The following OTOF variants were observed in gnomAD, a reference collection of about 807,000 sequenced individuals.
OTOF encodes fer-1-like family member 2.
A neutral mutation model predicts 236.8 loss-of-function variants in OTOF; 218 were observed. That is an observed-to-expected ratio of 0.92 (90% CI 0.82 to 1.03). The LOEUF (loss-of-function observed/expected upper bound fraction) is 1.03, where lower values mean the gene tolerates loss of function less well. OTOF is among the 50% of genes least tolerant of loss of function. OTOF has a pLI of 0.00. For missense variants in OTOF, 2,590 were observed against 2,694.4 expected (o/e 0.96, Z 0.86); for synonymous variants, 1,041 against 1,072.5 (o/e 0.97, Z 0.57).
chr2:26,481,815 G>A (rs988549018), intron 14 of OTOF, among the ~76,000 whole-genome samples: 3 of 152,030 alleles, frequency 2.0e-5, no homozygotes, highest in African/African-American at 7.2e-5. Context: ...TGGATTTGCC[G>A]GATGTTTCAC....
Position 26,489,699 on chromosome 2 carries a change from A to G in OTOF, c.939T>C (p.Phe313=). The G allele has an allele frequency of 1.9e-6, 3 of 1,613,030 alleles. No individual in the cohort carries two copies. Among genetic ancestry groups the G allele is most frequent in the Non-Finnish European group, 2.5e-6 (3 of 1,179,902 alleles). The stretch of plus-strand genomic sequence containing the variant: ...TCACCGAAATCTTGATGATCTTGTC[A>G]AACATGACATCCGGAGAGACATGGA... ...FDFHVSPDVM[F]DKIIKISVIH... is the part of the protein sequence containing the mutation. Residue 313 remains phenylalanine (F), a synonymous_variant, in exon 10 of 47, where the codon TTT becomes TTC. Coordinates refer to ENST00000272371, the MANE Select transcript of OTOF (RefSeq NM_194248.3).
At chr2:26,535,589 C>T (rs1667050093) in intron 2 of OTOF, among the ~76,000 whole-genome samples, 1 of 152,196 alleles carries the variant, frequency 6.6e-6, no homozygotes, top group African/African-American at 2.4e-5. Flanking sequence ...TTCTCCCCAT[C>T]GCGTGCCCTG....
rs1475493907 is a variant in OTOF, at chr2:26,477,295, A to T, written c.2407-7T>A. 4 of 1,608,656 alleles carry T rather than the reference A, an allele frequency of 2.5e-6. No individual in the cohort carries two copies. The highest frequency in any genetic ancestry group is 1.3e-5 in the African/African-American group (1 of 74,856). The stretch of plus-strand genomic sequence containing the variant: ...CCTGCTGCCCCATGTTTTCCTGCGA[A>T]GGAGGGGGTGTCAGTGAACCCAGCA... On this transcript the variant is annotated splice_polypyrimidine_tract_variant and splice_region_variant and intron_variant, in intron 20 of 46. Coordinates refer to ENST00000272371, the MANE Select transcript of OTOF (RefSeq NM_194248.3). This position sits in a 1 kb window ranked among gnomAD's most constrained non-coding sequence, Gnocchi z 4.7.
chr2:26,530,711 C>G (rs549492286), intron 2 of OTOF, among the ~76,000 whole-genome samples: 22 of 152,298 alleles, frequency 1.4e-4, no homozygotes, highest in Admixed American at 5.2e-4. Flanking sequence ...ATCAGTTTCT[C>G]TCTCTGTCTC....
Position 26,479,519 on chromosome 2 carries a change from C to G in OTOF, c.2047G>C (p.Ala683Pro). The change falls in exon 17 of 47, where the codon GCC becomes CCC. Residue 683 changes from alanine to proline, a missense_variant. Transcript: ENST00000272371. Reference protein sequence around the residue: ...DDEAGDAGDLASVSSTPPMRP... With the variant: ...DDEAGDAGDLPSVSSTPPMRP... ...ATTGGTGGAGTGGAGGAGACTGAGG[C>G]CAGGTCCCCGGCATCACCGGCCTCG... 1 of 1,605,140 alleles carries G rather than the reference C, an allele frequency of 6.2e-7. No homozygotes were observed. Among genetic ancestry groups the G allele is most frequent in the Non-Finnish European group, 8.5e-7 (1 of 1,176,712 alleles).
chr2:26,518,300 G>C (rs1316066169), intron 4 of OTOF, among the ~76,000 whole-genome samples: 1 of 152,240 alleles, frequency 6.6e-6, no homozygotes, highest in Non-Finnish European at 1.5e-5. Context: ...CCTCAGAATA[G>C]TCCTGGGAGG....
At chr2:26,513,017 G>A (rs1249787348) in intron 5 of OTOF, among the ~76,000 whole-genome samples, 3 of 152,178 alleles carry the variant, frequency 2.0e-5, no homozygotes, top group African/African-American at 2.4e-5. Flanking sequence ...GCAAAAAGCC[G>A]GCAGAAATCA....
chr2:26,476,514 C>T (rs1665282625), intron 22 of OTOF, among the ~76,000 whole-genome samples, 197 bp from the exon 23 acceptor site: 1 of 128,372 alleles, frequency 7.8e-6, no homozygotes, highest in South Asian at 2.4e-4. Context: ...TCCCCCACCT[C>T]CTTCCCCACC....
intron 4 of OTOF, among the ~76,000 whole-genome samples, chr2:26,517,172 C>CTTTT (rs1666553670): frequency 6.6e-6 from 1 of 152,196 alleles, no homozygotes; most frequent in Non-Finnish European, 1.5e-5. Context: ...AAGTAGAGCA[C>CTTTT]TCAACCGGGC....
chr2:26,528,028 C>G (rs1666852942), intron 2 of OTOF, 108 bp from the exon 3 acceptor site: 1 of 793,178 alleles, frequency 1.3e-6, no homozygotes, highest in Admixed American at 1.9e-5. Flanking sequence ...AGTGGCCCCT[C>G]ACTTGGGCCC....
In OTOF at chr2:26,519,568, G is replaced by A. The variant is rs1366947756; in HGVS notation, c.228-459C>T. On this transcript the variant is annotated intron_variant, in intron 3 of 46. Coordinates refer to ENST00000272371, the MANE Select transcript of OTOF (RefSeq NM_194248.3). ...CTCACTCATCCATTCCACATCTGCAGCCTGTAAGTTCCTGGATGGCAGGAA... is the reference window on the plus strand; with the variant it reads ...CTCACTCATCCATTCCACATCTGCAACCTGTAAGTTCCTGGATGGCAGGAA... Among the ~76,000 whole-genome samples, 5 of 152,322 alleles carry A rather than the reference G, an allele frequency of 3.3e-5. No homozygotes were observed. The East Asian group carries it at 5.8e-4, about 18-fold the overall frequency.
intron 1 of OTOF, among the ~76,000 whole-genome samples, chr2:26,549,641 C>T (rs1373520543): frequency 6.6e-6 from 1 of 152,190 alleles, no homozygotes; most frequent in Admixed American, 6.5e-5. Flanking sequence ...TCCCCTTAAC[C>T]CACCCTGCTA....
intron 38 of OTOF, among the ~76,000 whole-genome samples, chr2:26,465,241 TCCCCAGCCTAG>T (rs769029000): frequency 6.6e-6 from 1 of 152,042 alleles, no homozygotes; most frequent in Non-Finnish European, 1.5e-5. Flanking sequence ...CATATCAGTG[TCCCCAGCCTAG>T]CCCCACTGCA....
intron 2 of OTOF, among the ~76,000 whole-genome samples, chr2:26,530,654 C>G (rs780043758): frequency 6.6e-6 from 1 of 152,136 alleles, no homozygotes; most frequent in South Asian, 2.1e-4. Flanking sequence ...CCTTCCCTCC[C>G]GCATCATTCG....
chr2:26,478,128 GCC>G, intron 18 of OTOF: 4 of 1,080,296 alleles, frequency 3.7e-6, no homozygotes, highest in South Asian at 2.3e-5. Context: ...GAATGCTGGA[GCC>G]TGTGGCAGGG....
In OTOF at chr2:26,527,896, T is replaced by G. The variant is rs749507265; in HGVS notation, c.163A>C (p.Ser55Arg). 6.2e-7 allele frequency: 1 copy of G among 1,614,110 alleles called. No homozygotes were observed. The highest frequency in any genetic ancestry group is 1.7e-5 in the Admixed American group (1 of 60,028). ...TCCAGCATCTCATTTCTGTCGATGC[T>G]GCTGGCCACCGGCCACCGAAATGTC... ...DETFRWPVAS[S>R]IDRNEMLEIQ... Residue 55 changes from serine to arginine, a missense_variant, in exon 3 of 47, where the codon AGC becomes CGC. Coordinates refer to ENST00000272371, the MANE Select transcript of OTOF (RefSeq NM_194248.3).
rs910289958 is a variant in OTOF at position 26,479,183 on chromosome 2, T to A, written c.2214+81A>T. On this transcript the variant is annotated intron_variant, in intron 18 of 46. Transcript: ENST00000272371. Reference sequence around the variant, plus strand: ...CTGCAGCCCCCTGGGCAGACCAGCTTTGTGTGTTCCAGGGAAGGCCCTCTG... The same window carrying A: ...CTGCAGCCCCCTGGGCAGACCAGCTATGTGTGTTCCAGGGAAGGCCCTCTG... The A allele has an allele frequency of 2.0e-6, 3 of 1,529,036 alleles. No homozygotes were observed. The African/African-American group carries it at 4.4e-5, about 23-fold the overall frequency. 94.7% of individuals were successfully genotyped at this position (1,529,036 alleles called of 1,614,324 possible).
intron 5 of OTOF, among the ~76,000 whole-genome samples, chr2:26,511,507 C>A (rs1666389500): frequency 6.6e-6 from 1 of 152,220 alleles, no homozygotes; most frequent in African/African-American, 2.4e-5. Context: ...CTCCTCACAC[C>A]CTGTTCTGGC....
intron 1 of OTOF, among the ~76,000 whole-genome samples, chr2:26,554,680 C>T (rs1393892239): frequency 1.3e-5 from 2 of 150,544 alleles, no homozygotes; most frequent in Non-Finnish European, 2.9e-5. Flanking sequence ...GAAATATGAT[C>T]GATGTCTCAA....
Sources: allele counts gnomAD v4.1 joint callset (sites outside exome capture counted in the v4.1 genomes callset), GRCh38; gene constraint gnomAD v4.1.1; non-coding constraint Gnocchi (gnomAD v3.1); transcripts MANE v1.5; gene names NCBI Gene and HGNC (gene_info 2026-07-23, HGNC 2026-07-21).